The following CACNA2D1 variants were observed in gnomAD, a reference collection of about 807,000 sequenced individuals.
CACNA2D1 encodes calcium voltage-gated channel auxiliary subunit alpha2delta 1.
In CACNA2D1, 53 loss-of-function variants were observed where a neutral mutation model predicts 171.5. That is an observed-to-expected ratio of 0.31 (90% CI 0.25 to 0.39). The LOEUF is 0.39. CACNA2D1 is among the 10% of genes least tolerant of loss of function. CACNA2D1 has a pLI of 1.00. For synonymous variants in CACNA2D1, 442 were observed against 443.1 expected (o/e 1.00, Z 0.03); for missense variants, 903 against 1,299.8 (o/e 0.69, Z 4.69).
At chr7:82,202,787 T>C (rs1799598415) in intron 3 of CACNA2D1, among the ~76,000 whole-genome samples, 2 of 151,828 alleles carry the variant, frequency 1.3e-5, no homozygotes, top group African/African-American at 4.8e-5. Flanking sequence ...CAGAGGAGGC[T>C]GTTGGCAGAA....
intron 3 of CACNA2D1, among the ~76,000 whole-genome samples, chr7:82,178,008 C>G (rs545690942): frequency 1.3e-5 from 2 of 152,182 alleles, no homozygotes; most frequent in East Asian, 1.9e-4. Flanking sequence ...GATTTCATGC[C>G]AGATTATGGG....
intron 3 of CACNA2D1, among the ~76,000 whole-genome samples, chr7:82,313,975 T>G (rs1255432932): frequency 6.6e-6 from 1 of 152,198 alleles, no homozygotes; most frequent in East Asian, 1.9e-4. Flanking sequence ...AATCTTTTTT[T>G]AATGCAAACT....
At chr7:81,993,532 T>C (rs1342693211) in intron 20 of CACNA2D1, among the ~76,000 whole-genome samples, 2 of 152,170 alleles carry the variant, frequency 1.3e-5, no homozygotes, top group Admixed American at 6.5e-5. Context: ...ACCCCTTACA[T>C]AGACCATATA....
At position 82,084,749 on chromosome 7, in the gene CACNA2D1, T is replaced by C. The variant is rs771189795; in HGVS notation, c.658+20A>G. ...CATTGAGGCTGGAACTTGACAATGA[T>C]TGAATCACTAAGCACCTACCTGGAT... On this transcript the variant is annotated intron_variant, in intron 7 of 38. Coordinates refer to ENST00000356860, the MANE Select transcript of CACNA2D1 (RefSeq NM_000722.4). 25 of 1,613,702 alleles carry C rather than the reference T, an allele frequency of 1.5e-5. No individual in the cohort carries two copies. Among genetic ancestry groups the C allele is most frequent in the South Asian group, 2.2e-5 (2 of 91,082 alleles).
rs146618304 is a variant in CACNA2D1 at position 82,442,246 on chromosome 7, C to T, written c.95+1119G>A. ...ATTCACTGTTACTTTCCACCAAAAACTCCTGTATTCAGCACTCAGCCAACA... is the reference window on the plus strand; with the variant it reads ...ATTCACTGTTACTTTCCACCAAAAATTCCTGTATTCAGCACTCAGCCAACA... On this transcript the variant is annotated intron_variant, in intron 1 of 38. Coordinates refer to ENST00000356860, the MANE Select transcript of CACNA2D1 (RefSeq NM_000722.4). 5.4e-3 allele frequency among the ~76,000 whole-genome samples: 825 copies of T among 152,282 alleles called. 4 individuals are homozygous for T. Among genetic ancestry groups the T allele is most frequent in the African/African-American group, 0.019 (775 of 41,524 alleles).
chr7:82,060,620 T>C, intron 9 of CACNA2D1, 93 bp from the exon 10 acceptor site: 1 of 694,066 alleles, frequency 1.4e-6, no homozygotes, highest in Non-Finnish European at 2.5e-6. Context: ...TGACCCTAGA[T>C]CTTTTATATA....
intron 3 of CACNA2D1, among the ~76,000 whole-genome samples, chr7:82,301,288 G>T (rs1338625164): frequency 6.6e-6 from 1 of 151,904 alleles, no homozygotes. Context: ...CACCACACCC[G>T]GTTAATTTTG....
chr7:82,153,601 T>G (rs967924025), intron 4 of CACNA2D1, among the ~76,000 whole-genome samples: 1 of 152,072 alleles, frequency 6.6e-6, no homozygotes, highest in Non-Finnish European at 1.5e-5. Flanking sequence ...TAATATAAAT[T>G]TATTTGTGAC....
chr7:82,412,310 C>G (rs1363584554), intron 1 of CACNA2D1, among the ~76,000 whole-genome samples: 3 of 139,252 alleles, frequency 2.2e-5, no homozygotes, highest in Non-Finnish European at 4.6e-5. Flanking sequence ...TGAGACACAG[C>G]CTTGCTTTGT....
intron 6 of CACNA2D1, among the ~76,000 whole-genome samples, chr7:82,086,852 T>C (rs1317729053): frequency 6.6e-6 from 1 of 152,102 alleles, no homozygotes; most frequent in Non-Finnish European, 1.5e-5. Flanking sequence ...CTACTAAGTA[T>C]TGGGTACTGA....
chr7:82,363,522 C>T (rs1442412312), intron 1 of CACNA2D1, among the ~76,000 whole-genome samples: 1 of 151,986 alleles, frequency 6.6e-6, no homozygotes, highest in African/African-American at 2.4e-5. Context: ...GCCTCGGCCT[C>T]CCAAAGTGCT....
At chr7:82,006,783 G>C (rs1799164180) in intron 16 of CACNA2D1, among the ~76,000 whole-genome samples, 1 of 152,052 alleles carries the variant, frequency 6.6e-6, no homozygotes, top group African/African-American at 2.4e-5. Context: ...GTTAAGAATG[G>C]TAATAGGCCC....
intron 6 of CACNA2D1, among the ~76,000 whole-genome samples, chr7:82,103,695 T>C (rs964411359): frequency 2.0e-5 from 3 of 152,012 alleles, no homozygotes; most frequent in Admixed American, 1.3e-4. Context: ...ATAGAATGCA[T>C]AAAAATAGAA....
intron 3 of CACNA2D1, among the ~76,000 whole-genome samples, chr7:82,300,804 A>G (rs1391475914): frequency 6.6e-6 from 1 of 151,954 alleles, no homozygotes; most frequent in Non-Finnish European, 1.5e-5. Flanking sequence ...TAAATATAAT[A>G]ATCTAGATTT....
chr7:82,428,360 T>C (rs1200126294), intron 1 of CACNA2D1, among the ~76,000 whole-genome samples: 1 of 152,042 alleles, frequency 6.6e-6, no homozygotes, highest in Non-Finnish European at 1.5e-5. Context: ...GACACAAGCA[T>C]AAAAAATCTT....
At position 82,014,430 on chromosome 7, in the gene CACNA2D1, G is replaced by T; in HGVS notation, c.1193C>A (p.Pro398His). 1 of 1,596,514 alleles carries T rather than the reference G, an allele frequency of 6.3e-7. No individual in the cohort carries two copies. Among genetic ancestry groups the T allele is most frequent in the Non-Finnish European group, 8.6e-7 (1 of 1,164,070 alleles). Residue 398 changes from proline to histidine, a missense_variant, in exon 13 of 39, where the codon CCT (proline) becomes CAT (histidine). Physicochemically the swap from Pro to His is moderately conservative, Grantham distance 77. Around this residue, in one of 5 missense-constraint regions of CACNA2D1, gnomAD observed 623 missense variants for 925.5 expected, o/e 0.67. Coordinates refer to ENST00000356860, the MANE Select transcript of CACNA2D1 (RefSeq NM_000722.4). ...SVGQHNYDRGPIQWMACENKG... is the reference protein window; with the variant it reads ...SVGQHNYDRGHIQWMACENKG... ...GTTTTCACAGGCCATCCACTGAATA[G>T]GTCCTCTGTCATAATTGTGTTGACC...
intron 3 of CACNA2D1, among the ~76,000 whole-genome samples, chr7:82,237,278 T>C (rs1171056359): frequency 6.6e-6 from 1 of 151,928 alleles, no homozygotes; most frequent in Non-Finnish European, 1.5e-5. Flanking sequence ...CATTTTCAAT[T>C]TGAATAAAGA....
intron 3 of CACNA2D1, among the ~76,000 whole-genome samples, chr7:82,271,754 A>C (rs139151607): frequency 6.2e-4 from 95 of 152,290 alleles, no homozygotes; most frequent in African/African-American, 1.9e-3. Context: ...TGGCTAGACC[A>C]GCAAAGCAGC....
intron 6 of CACNA2D1, among the ~76,000 whole-genome samples, chr7:82,100,293 G>A (rs1295603314): frequency 6.6e-6 from 1 of 152,062 alleles, no homozygotes; most frequent in Non-Finnish European, 1.5e-5. Context: ...GGTATGCCCT[G>A]TGATCTTTTC....
Sources: gnomAD v4.1 joint callset for allele counts (sites outside exome capture counted in the v4.1 genomes callset) on GRCh38, gnomAD v4.1.1 for gene constraint, gnomAD v4.1.1 regional missense constraint, MANE v1.5 for transcripts, NCBI Gene and HGNC (gene_info 2026-07-23, HGNC 2026-07-21) for gene names.